CTNNA3: variants seen among roughly 807,000 people sequenced by gnomAD.
CTNNA3 encodes the protein catenin alpha-3.
Under a neutral mutation model 95.7 loss-of-function variants are expected in CTNNA3, and 76 were observed. The observed-to-expected ratio is 0.79, with a 90% CI of 0.66 to 0.96. CTNNA3 has a LOEUF of 0.96. Ranked by LOEUF, CTNNA3 falls within the 40% of genes least tolerant of loss-of-function variation. CTNNA3 has a pLI of 0.00. For synonymous variants in CTNNA3, 431 were observed against 374.4 expected (o/e 1.15, Z -1.74); for missense variants, 1,191 against 1,089.8 (o/e 1.09, Z -1.31).
intron 9 of CTNNA3, among the ~76,000 whole-genome samples, chr10:66,649,585 A>G (rs1033708779): frequency 2.0e-5 from 3 of 152,222 alleles, no homozygotes; most frequent in Non-Finnish European, 2.9e-5. Flanking sequence ...AACTTCACGC[A>G]GGCACCTATG....
chr10:65,937,046 T>C (rs1318732239), intron 17 of CTNNA3, among the ~76,000 whole-genome samples: 2 of 151,964 alleles, frequency 1.3e-5, no homozygotes, highest in Admixed American at 6.6e-5. Context: ...ATATATAAAC[T>C]TTTAAGTACT....
At chr10:67,293,530 A>G (rs1362081812) in intron 5 of CTNNA3, among the ~76,000 whole-genome samples, 1 of 151,986 alleles carries the variant, frequency 6.6e-6, no homozygotes, top group South Asian at 2.1e-4. Flanking sequence ...TATTTTTTTT[A>G]TTATACTTTA....
intron 11 of CTNNA3, among the ~76,000 whole-genome samples, chr10:66,391,500 T>G (rs2092933430): frequency 6.6e-6 from 1 of 152,120 alleles, no homozygotes; most frequent in Non-Finnish European, 1.5e-5. Flanking sequence ...GGCAAATATC[T>G]AATTCTCAAG....
At chr10:67,437,774 T>C (rs931777002) in intron 5 of CTNNA3, among the ~76,000 whole-genome samples, 8 of 151,886 alleles carry the variant, frequency 5.3e-5, no homozygotes, top group Non-Finnish European at 7.4e-5. Context: ...AAAAAAGAGC[T>C]GTTTTAGCTA....
chr10:67,117,458 T>C (rs1009574175), intron 7 of CTNNA3, among the ~76,000 whole-genome samples: 2 of 151,954 alleles, frequency 1.3e-5, no homozygotes, highest in African/African-American at 2.4e-5. Flanking sequence ...ACAAAAAGAA[T>C]TGTATCCAAA....
chr10:66,907,228 T>C (rs568283906), intron 7 of CTNNA3, among the ~76,000 whole-genome samples: 4 of 152,296 alleles, frequency 2.6e-5, no homozygotes, highest in South Asian at 2.1e-4. Flanking sequence ...AGAGGTAAGT[T>C]ATAATTTGTG....
intron 5 of CTNNA3, among the ~76,000 whole-genome samples, chr10:67,412,907 C>A (rs939003737): frequency 6.6e-6 from 1 of 152,086 alleles, no homozygotes; most frequent in African/African-American, 2.4e-5. Flanking sequence ...CAAATGCACA[C>A]TTAAGCACAT....
At chr10:66,331,342 GTTTTTTTTTTTTTTTT>G (rs60709020) in intron 12 of CTNNA3, among the ~76,000 whole-genome samples, 2 of 80,346 alleles carry the variant, frequency 2.5e-5, no homozygotes, top group Non-Finnish European at 4.8e-5. Flanking sequence ...CCCATTGTTT[GTTTTTTTTTTTTTTTT>G]TTTTTTTTTT....
intron 14 of CTNNA3, chr10:66,098,661 GT>G (rs2081496408): frequency 6.6e-6 from 1 of 152,048 alleles, no homozygotes; most frequent in Middle Eastern, 3.2e-3. Flanking sequence ...TTGAATTTGA[GT>G]TTTTCAGATA....
At chr10:66,071,412 T>G (rs1162237954) in intron 14 of CTNNA3, among the ~76,000 whole-genome samples, 2 of 25,910 alleles carry the variant, frequency 7.7e-5, no homozygotes, top group African/African-American at 2.3e-4. Context: ...AGCAGCCCTA[T>G]GAGGAATTAT....
At chr10:66,341,571 A>C (rs1482561385) in intron 12 of CTNNA3, among the ~76,000 whole-genome samples, 1 of 151,978 alleles carries the variant, frequency 6.6e-6, no homozygotes, top group Non-Finnish European at 1.5e-5. Flanking sequence ...GTTGGCAGAA[A>C]TAATGGACAT....
chr10:67,077,871 T>C (rs561231151), intron 7 of CTNNA3, among the ~76,000 whole-genome samples: 11 of 152,240 alleles, frequency 7.2e-5, no homozygotes, highest in African/African-American at 2.2e-4. Context: ...AAAGAAAAGA[T>C]AGAAATCTTT....
At chr10:66,597,919 T>A (rs1843781507) in intron 10 of CTNNA3, among the ~76,000 whole-genome samples, 2 of 152,094 alleles carry the variant, frequency 1.3e-5, no homozygotes, top group East Asian at 3.9e-4. Flanking sequence ...ATTAGCAACA[T>A]TAAATATATG....
chr10:67,064,756 AG>A (rs1471495620), intron 7 of CTNNA3, among the ~76,000 whole-genome samples: 1 of 152,230 alleles, frequency 6.6e-6, no homozygotes, highest in Non-Finnish European at 1.5e-5. Context: ...TTCTTGAGTT[AG>A]GTATGGAAGA....
intron 10 of CTNNA3, among the ~76,000 whole-genome samples, chr10:66,611,243 A>G (rs547873943): frequency 2.6e-5 from 4 of 152,268 alleles, no homozygotes; most frequent in Admixed American, 6.5e-5. Context: ...ATAATTGACA[A>G]TAACTTATTA....
chr10:66,355,148 A>G (rs1299888467), intron 12 of CTNNA3, among the ~76,000 whole-genome samples: 1 of 152,128 alleles, frequency 6.6e-6, no homozygotes, highest in East Asian at 1.9e-4. Context: ...TATACGATTT[A>G]AAAGAAATAC....
At chr10:66,602,461 TTAATA>T (rs1440613786) in intron 10 of CTNNA3, among the ~76,000 whole-genome samples, 46 of 151,894 alleles carry the variant, frequency 3.0e-4, no homozygotes, top group African/African-American at 9.4e-4. Flanking sequence ...TACTTACTGA[TTAATA>T]ATCAGTGAAA....
chr10:67,315,041 C>G (rs994244617), intron 5 of CTNNA3, among the ~76,000 whole-genome samples: 2 of 152,166 alleles, frequency 1.3e-5, no homozygotes, highest in African/African-American at 4.8e-5. Flanking sequence ...CCTTGCTATT[C>G]CTCCTCATTC....
chr10:67,134,156 T>C (rs1266385369), intron 7 of CTNNA3, among the ~76,000 whole-genome samples: 1 of 152,046 alleles, frequency 6.6e-6, no homozygotes, highest in Non-Finnish European at 1.5e-5. Context: ...GAGAAGGTTG[T>C]CAGGGAAAAA....
Sources: gnomAD v4.1 joint callset for allele counts (sites outside exome capture counted in the v4.1 genomes callset) on GRCh38, gnomAD v4.1.1 for gene constraint, MANE v1.5 for transcripts, NCBI Gene and HGNC (gene_info 2026-07-23, HGNC 2026-07-21) for gene names.